FBXW7: variants seen among roughly 807,000 people sequenced by gnomAD.
FBXW7 encodes the protein F-box and WD repeat domain containing 7, also known as F-box/WD repeat-containing protein 7.
FBXW7 carries 11 observed loss-of-function variants against 86.3 expected under a neutral mutation model. The observed-to-expected ratio is 0.13, with a 90% CI of 0.08 to 0.21. FBXW7 has a LOEUF of 0.21. Among genes scored for constraint, FBXW7 ranks in the 10% least tolerant of loss-of-function variants. The probability of loss-of-function intolerance (pLI) is 1.00; values close to 1 mark genes in which losing one functional copy is unlikely to be tolerated. For synonymous variants in FBXW7, 313 were observed against 297.9 expected, an observed-to-expected ratio of 1.05 and a Z score of -0.52; for missense variants, 488 against 847.4, an observed-to-expected ratio of 0.58 and a Z score of 5.27.
chr4:152,354,367 T>C (rs1048457913), intron 4 of FBXW7, among the ~76,000 whole-genome samples: 2 of 152,020 alleles, frequency 1.3e-5, no homozygotes, highest in South Asian at 2.1e-4. Context: ...TTGTTAGGAA[T>C]GGACCCATAA....
At chr4:152,511,939 C>G (rs570991321) in intron 2 of FBXW7, among the ~76,000 whole-genome samples, 3 of 152,108 alleles carry the variant, frequency 2.0e-5, no homozygotes, top group South Asian at 2.1e-4. Context: ...GACTGACTAT[C>G]TGGATTAAAA....
chr4:152,340,470 T>G (rs1316224925), intron 6 of FBXW7, among the ~76,000 whole-genome samples: 3 of 150,604 alleles, frequency 2.0e-5, no homozygotes, highest in African/African-American at 7.3e-5. Flanking sequence ...TCCCGGCGAC[T>G]TGGGAGGCTG....
chr4:152,398,208 A>G (rs1198315659), intron 4 of FBXW7, among the ~76,000 whole-genome samples: 1 of 152,016 alleles, frequency 6.6e-6, no homozygotes, highest in African/African-American at 2.4e-5. Flanking sequence ...ACAAGCACAT[A>G]TTAAATATAT....
chr4:152,401,478 T>A (rs1056505832), intron 4 of FBXW7, among the ~76,000 whole-genome samples: 1 of 152,180 alleles, frequency 6.6e-6, no homozygotes, highest in African/African-American at 2.4e-5. Context: ...TATGACATTC[T>A]GGAAAAAGCA....
chr4:152,431,536 T>C (rs1168409832), intron 2 of FBXW7, among the ~76,000 whole-genome samples: 2 of 152,208 alleles, frequency 1.3e-5, no homozygotes, highest in Non-Finnish European at 2.9e-5. Context: ...GAAGTTTCTA[T>C]TTGATTATGT....
chr4:152,477,243 C>T (rs1255799349), intron 2 of FBXW7, among the ~76,000 whole-genome samples: 1 of 152,058 alleles, frequency 6.6e-6, no homozygotes, highest in African/African-American at 2.4e-5. Flanking sequence ...CAATGGGACT[C>T]TAGTTCCAAA....
chr4:152,375,545 G>A (rs542472286), intron 4 of FBXW7, among the ~76,000 whole-genome samples: 13 of 152,074 alleles, frequency 8.5e-5, no homozygotes, highest in South Asian at 8.3e-4. Context: ...ATCACTATGA[G>A]CGACAAATAA....
At position 152,329,693 on chromosome 4, in the gene FBXW7, A is replaced by G. The variant is rs2126524971; in HGVS notation, c.1215T>C (p.Val405=). Reference sequence around the variant, plus strand: ...TTACTTTGCCTGTGACTGCTGACCAAACTTTTAAAGTGTTGTCATCAGAAC... The same window carrying G: ...TTACTTTGCCTGTGACTGCTGACCAGACTTTTAAAGTGTTGTCATCAGAAC... ...VSGSDDNTLK[V]WSAVTGKCLR... The change falls in exon 10 of 14, where the codon GTT becomes GTC. Residue 405 remains valine (V), a synonymous_variant. Transcript: ENST00000281708. The G allele has an allele frequency of 2.5e-6, 4 of 1,576,166 alleles. No individual in the cohort carries two copies. The East Asian group carries it at 9.5e-5, about 38-fold the overall frequency.
chr4:152,433,471 G>A (rs1225662555), intron 2 of FBXW7, among the ~76,000 whole-genome samples: 1 of 152,094 alleles, frequency 6.6e-6, no homozygotes, highest in Non-Finnish European at 1.5e-5. Context: ...ATATTATTGA[G>A]GACTTCTTCA....
chr4:152,443,329 A>C (rs564572822), intron 2 of FBXW7, among the ~76,000 whole-genome samples: 1 of 152,312 alleles, frequency 6.6e-6, no homozygotes, highest in South Asian at 2.1e-4. Context: ...AGATAACCAG[A>C]ATATGGTAGC....
chr4:152,357,640 G>A (rs1732520388), intron 4 of FBXW7, among the ~76,000 whole-genome samples: 1 of 152,024 alleles, frequency 6.6e-6, no homozygotes. Context: ...AATTCTTGAA[G>A]TTTAAGCTAT....
At chr4:152,398,552 A>G (rs937322436) in intron 4 of FBXW7, among the ~76,000 whole-genome samples, 13 of 151,998 alleles carry the variant, frequency 8.6e-5, no homozygotes, top group African/African-American at 3.1e-4. Context: ...AAAAAATAGC[A>G]TTTTAAGAAC....
chr4:152,392,234 A>G (rs1275720051), intron 4 of FBXW7, among the ~76,000 whole-genome samples: 1 of 152,158 alleles, frequency 6.6e-6, no homozygotes, highest in Non-Finnish European at 1.5e-5. Flanking sequence ...CTCTTGCCTT[A>G]ATAACAGGCC....
chr4:152,463,075 G>A (rs960006300), intron 2 of FBXW7, among the ~76,000 whole-genome samples: 2 of 151,654 alleles, frequency 1.3e-5, no homozygotes, highest in Non-Finnish European at 2.9e-5. Flanking sequence ...GTCACTTGAG[G>A]CCAGGAGTTC....
At chr4:152,481,790 T>C (rs960452992) in intron 2 of FBXW7, among the ~76,000 whole-genome samples, 4 of 152,190 alleles carry the variant, frequency 2.6e-5, no homozygotes, top group Admixed American at 6.5e-5. Context: ...CATGATTGAA[T>C]TGCTGAAATC....
At chr4:152,348,894 G>A (rs1259900460) in intron 5 of FBXW7, 2 of 167,856 alleles carry the variant, frequency 1.2e-5, no homozygotes, top group African/African-American at 2.4e-5. Flanking sequence ...AAGGCAAAGA[G>A]TAACAGGAAG....
chr4:152,511,798 GTGAGAGAA>G (rs1206583165), intron 2 of FBXW7, among the ~76,000 whole-genome samples: 1 of 152,124 alleles, frequency 6.6e-6, no homozygotes, highest in Non-Finnish European at 1.5e-5. Context: ...TCTGTAAAAT[GTGAGAGAA>G]TATCACTATA....
chr4:152,400,627 G>A (rs1396135654), intron 4 of FBXW7, among the ~76,000 whole-genome samples: 2 of 152,012 alleles, frequency 1.3e-5, no homozygotes, highest in Non-Finnish European at 2.9e-5. Flanking sequence ...GATTATAGGT[G>A]TGAGCCATGG....
chr4:152,327,840 C>T (rs1041912566), intron 11 of FBXW7, among the ~76,000 whole-genome samples: 3 of 151,692 alleles, frequency 2.0e-5, no homozygotes, highest in Non-Finnish European at 2.9e-5. Flanking sequence ...AAGGCTCAGA[C>T]GCTTGAAGCC....
Sources: gnomAD v4.1 joint callset for allele counts (sites outside exome capture counted in the v4.1 genomes callset) on GRCh38, gnomAD v4.1.1 for gene constraint, MANE v1.5 for transcripts, NCBI Gene and HGNC (gene_info 2026-07-23, HGNC 2026-07-21) for gene names.